The following ALCAM variants were observed in gnomAD, a reference collection of about 807,000 sequenced individuals.
The protein encoded by ALCAM is activated leukocyte cell adhesion molecule.
In ALCAM, 30 loss-of-function variants were observed where a neutral mutation model predicts 70.9. The ratio of observed to expected loss-of-function variants is 0.42; its 90% CI spans 0.32 to 0.57. ALCAM has a LOEUF of 0.57. Ranked by LOEUF, ALCAM falls within the 20% of genes least tolerant of loss-of-function variation. The pLI is 0.11. For synonymous variants in ALCAM, 249 were observed against 242.5 expected (o/e 1.03, Z -0.25); for missense variants, 591 against 695.1 (o/e 0.85, Z 1.68).
At chr3:105,525,036 C>T in intron 3 of ALCAM, 2 of 879,710 alleles carry the variant, frequency 2.3e-6, no homozygotes, top group Non-Finnish European at 2.7e-6. Context: ...TATCCACATA[C>T]AAATATTTTA....
At chr3:105,553,629 C>T (rs1940460089) in intron 14 of ALCAM, among the ~76,000 whole-genome samples, 1 of 151,816 alleles carries the variant, frequency 6.6e-6, no homozygotes, top group Non-Finnish European at 1.5e-5. Context: ...AAGCAATATT[C>T]AAATGGAGCT....
chr3:105,466,637 T>G (rs1937746409), intron 1 of ALCAM, among the ~76,000 whole-genome samples: 1 of 151,444 alleles, frequency 6.6e-6, no homozygotes, highest in Non-Finnish European at 1.5e-5. Context: ...TGTACTCTGG[T>G]ATCCCTGAGA....
At chr3:105,485,232 T>A (rs1938392597) in intron 1 of ALCAM, among the ~76,000 whole-genome samples, 2 of 152,052 alleles carry the variant, frequency 1.3e-5, no homozygotes, top group Non-Finnish European at 2.9e-5. Flanking sequence ...AACACCCACA[T>A]ACAAACTGCT....
intron 14 of ALCAM, chr3:105,553,109 T>C (rs1334879668): frequency 4.1e-6 from 4 of 982,700 alleles, no homozygotes; most frequent in Middle Eastern, 5.2e-4. Flanking sequence ...TTATGTCAAC[T>C]TGAGTTTTTA....
chr3:105,469,199 A>C (rs1298973212), intron 1 of ALCAM, among the ~76,000 whole-genome samples: 10 of 151,344 alleles, frequency 6.6e-5, no homozygotes, highest in African/African-American at 2.4e-4. Flanking sequence ...TTGTCTGTTT[A>C]ATAAGGCAAT....
Position 105,534,668 on chromosome 3 carries a change from G to T in ALCAM, c.553G>T (p.Val185Phe), listed in dbSNP as rs371943794. ...KVLHPLEGAV[V>F]IIFKKEMDPV... ...GTGTTCTTTATTTTCTTCAGCGGTGGTCATAATTTTTAAAAAGGAAATGGA... is the reference window on the plus strand; with the variant it reads ...GTGTTCTTTATTTTCTTCAGCGGTGTTCATAATTTTTAAAAAGGAAATGGA... Residue 185 changes from valine to phenylalanine, a missense_variant, in exon 6 of 16, where the codon GTC (valine) becomes TTC (phenylalanine). This residue lies in a region of ALCAM where 427 missense variants were observed against 450.4 expected (regional missense o/e 0.95). Coordinates refer to ENST00000306107, the MANE Select transcript of ALCAM (RefSeq NM_001627.4). The T allele has an allele frequency of 9.9e-6, 16 of 1,613,444 alleles. No homozygotes were observed. The highest frequency in any genetic ancestry group is 8.8e-5 in the South Asian group (8 of 91,076).
At chr3:105,370,605 CAA>C (rs1281996595) in intron 1 of ALCAM, among the ~76,000 whole-genome samples, 3 of 151,978 alleles carry the variant, frequency 2.0e-5, no homozygotes, top group Non-Finnish European at 2.9e-5. Context: ...TCAGTCTAGA[CAA>C]AATTCATATA....
chr3:105,459,890 A>G (rs1476376192), intron 1 of ALCAM, among the ~76,000 whole-genome samples: 1 of 152,062 alleles, frequency 6.6e-6, no homozygotes. Context: ...TTAGACTTGC[A>G]TAGAGATGGG....
At chr3:105,458,899 C>T (rs1042245876) in intron 1 of ALCAM, among the ~76,000 whole-genome samples, 3 of 152,096 alleles carry the variant, frequency 2.0e-5, no homozygotes, top group African/African-American at 7.2e-5. Context: ...CCTTCTAATC[C>T]AACCTTTACA....
chr3:105,559,214 T>A (rs370384967), intron 14 of ALCAM, among the ~76,000 whole-genome samples: 10 of 148,064 alleles, frequency 6.8e-5, no homozygotes, highest in East Asian at 5.8e-4. Context: ...ATACATATAT[T>A]ACATATATAC....
chr3:105,454,983 A>G (rs1005372309), intron 1 of ALCAM, among the ~76,000 whole-genome samples: 1 of 151,866 alleles, frequency 6.6e-6, no homozygotes, highest in Non-Finnish European at 1.5e-5. Context: ...CCCGGCCTAA[A>G]TGCTCACTAA....
At chr3:105,539,037 T>A (rs1940048964) in intron 6 of ALCAM, among the ~76,000 whole-genome samples, 1 of 152,008 alleles carries the variant, frequency 6.6e-6, no homozygotes, top group Admixed American at 6.6e-5. Flanking sequence ...AAAAAATAGG[T>A]TTTCATAGAT....
At chr3:105,439,595 G>A (rs1383648990) in intron 1 of ALCAM, 4 of 152,078 alleles carry the variant, frequency 2.6e-5, no homozygotes, top group Admixed American at 2.6e-4. Flanking sequence ...ATGGGAATTG[G>A]GTATGTGAAT....
At chr3:105,381,485 A>T (rs1488833347) in intron 1 of ALCAM, among the ~76,000 whole-genome samples, 1 of 151,986 alleles carries the variant, frequency 6.6e-6, no homozygotes, top group South Asian at 2.1e-4. Flanking sequence ...GACTTTATCC[A>T]TTAATTGTTA....
chr3:105,411,726 C>G (rs1296728224), intron 1 of ALCAM, among the ~76,000 whole-genome samples: 1 of 151,978 alleles, frequency 6.6e-6, no homozygotes, highest in Non-Finnish European at 1.5e-5. Flanking sequence ...TTGAAGAGAG[C>G]TGAACAGGAC....
At chr3:105,367,648 G>T (rs1178349472) in intron 1 of ALCAM, among the ~76,000 whole-genome samples, 167 bp downstream of exon 1, 3 of 152,230 alleles carry the variant, frequency 2.0e-5, no homozygotes, top group African/African-American at 7.2e-5. Context: ...CACCTGTGCC[G>T]CACGTTTGGG....
chr3:105,520,253 T>A, intron 2 of ALCAM, 86 bp downstream of exon 2: 2 of 962,150 alleles, frequency 2.1e-6, no homozygotes, highest in Non-Finnish European at 3.3e-6. Flanking sequence ...AATTTCAAAT[T>A]AACCTAAATG....
intron 4 of ALCAM, 38 bp downstream of exon 4, chr3:105,532,104 G>GT: frequency 2.6e-6 from 4 of 1,523,164 alleles, no homozygotes; most frequent in African/African-American, 1.4e-5. Flanking sequence ...TATTTAGCCA[G>GT]TGTTGTAAGT....
At chr3:105,459,420 G>T (rs16851175) in intron 1 of ALCAM, among the ~76,000 whole-genome samples, 39,658 of 151,692 alleles carry the variant, frequency 0.26, 5,674 homozygotes, top group Admixed American at 0.45. Context: ...GAAGACAGGG[G>T]TATTATCTTG....
Sources: gnomAD v4.1 joint callset for allele counts (sites outside exome capture counted in the v4.1 genomes callset) on GRCh38, gnomAD v4.1.1 for gene constraint, gnomAD v4.1.1 regional missense constraint, MANE v1.5 for transcripts, NCBI Gene and HGNC (gene_info 2026-07-23, HGNC 2026-07-21) for gene names.